The following KDM2B variants were observed in gnomAD, a reference collection of about 807,000 sequenced individuals.
KDM2B encodes lysine-specific demethylase 2B.
KDM2B carries 26 observed loss-of-function variants against 150.0 expected under a neutral mutation model. That is an observed-to-expected ratio of 0.17 (90% CI 0.13 to 0.24). The LOEUF (loss-of-function observed/expected upper bound fraction) is 0.24, where lower values mean the gene tolerates loss of function less well. Among genes scored for constraint, KDM2B ranks in the 10% least tolerant of loss-of-function variants. The pLI is 1.00. For missense variants in KDM2B, 1,265 were observed against 1,816.9 expected (o/e 0.70, Z 5.52); for synonymous variants, 734 against 729.5 (o/e 1.01, Z -0.10).
chr12:121,558,178 G>A (rs745530615), intron 4 of KDM2B, among the ~76,000 whole-genome samples: 2 of 152,202 alleles, frequency 1.3e-5, no homozygotes, highest in Admixed American at 6.5e-5. Context: ...AGAGACTGGT[G>A]CAGGCTAGGA....
chr12:121,417,437 A>C, the KDM2B span: 3 of 1,393,878 alleles, frequency 2.2e-6, no homozygotes, highest in Non-Finnish European at 2.9e-6. The surrounding 1 kb of genome is among the most constrained non-coding windows in gnomAD (Gnocchi z 5.0). Context: ...AGTAGAAGGC[A>C]GAAAGAAAAC....
At chr12:121,541,077 A>G (rs1292287607) in intron 6 of KDM2B, among the ~76,000 whole-genome samples, 1 of 152,008 alleles carries the variant, frequency 6.6e-6, no homozygotes, top group Non-Finnish European at 1.5e-5. Context: ...TACTAAAAAT[A>G]CAAAATTAGC....
intron 11 of KDM2B, among the ~76,000 whole-genome samples, chr12:121,505,300 A>T (rs868922689): frequency 4.6e-5 from 7 of 151,790 alleles, no homozygotes; most frequent in African/African-American, 1.7e-4. Context: ...AAAAAAAAAA[A>T]AAATTGTGAC....
chr12:121,530,599 C>G (rs554187899), intron 8 of KDM2B, among the ~76,000 whole-genome samples: 307 of 142,718 alleles, frequency 2.2e-3, no homozygotes, highest in Non-Finnish European at 3.1e-3. Flanking sequence ...TCCCAAAACT[C>G]CAGGGGAAAA....
intron 6 of KDM2B, among the ~76,000 whole-genome samples, chr12:121,540,585 C>T (rs576791936): frequency 4.6e-5 from 7 of 151,134 alleles, no homozygotes; most frequent in Non-Finnish European, 1.0e-4. Context: ...TCTGTCTCTA[C>T]TGAAAAAATG....
rs71454698 is a variant in KDM2B at position 121,518,040 on chromosome 12, A to G, written c.1047+2945T>C. On this transcript the variant is annotated intron_variant, in intron 9 of 22. Transcript: ENST00000377071. This position sits in a 1 kb window ranked among gnomAD's most constrained non-coding sequence, Gnocchi z 4.4. ...CCTGAGTAGCTGGGATTACAGGCACACACCACCATGCTCGGCTAATTTTTG... is the reference window on the plus strand; with the variant it reads ...CCTGAGTAGCTGGGATTACAGGCACGCACCACCATGCTCGGCTAATTTTTG... Among the ~76,000 whole-genome samples, 8 of 151,042 alleles carry G rather than the reference A, an allele frequency of 5.3e-5. No homozygotes were observed. The highest frequency in any genetic ancestry group is 3.3e-4 in the Admixed American group (5 of 15,148).
chr12:121,454,381 A>G (rs1877881352), intron 12 of KDM2B, among the ~76,000 whole-genome samples: 1 of 152,166 alleles, frequency 6.6e-6, no homozygotes, highest in South Asian at 2.1e-4. Context: ...TGGGACTCAC[A>G]GAAGAGAGAG....
chr12:121,423,564 G>A, the KDM2B span: 1 of 1,613,196 alleles, frequency 6.2e-7, no homozygotes, highest in East Asian at 2.2e-5. This position sits in a 1 kb window ranked among gnomAD's most constrained non-coding sequence, Gnocchi z 4.3. Context: ...CCGTGCACGT[G>A]TTCAAGTCCT....
At chr12:121,446,852 G>A (rs1555290458) in intron 13 of KDM2B, among the ~76,000 whole-genome samples, 1 of 152,164 alleles carries the variant, frequency 6.6e-6, no homozygotes, top group African/African-American at 2.4e-5. Flanking sequence ...TAACAAACGT[G>A]ATTTCTAAAA....
chr12:121,450,256 G>T lies in KDM2B; in HGVS notation c.1959+2864C>A, dbSNP rs144868040. ...TTGAACCCAGGAGGCAGAAGTTGCAGTGAGCCGAGACTGCGCCACTGCACT... is the reference window on the plus strand; with the variant it reads ...TTGAACCCAGGAGGCAGAAGTTGCATTGAGCCGAGACTGCGCCACTGCACT... On this transcript the variant is annotated intron_variant, in intron 13 of 22. Transcript: ENST00000377071. Among the ~76,000 whole-genome samples the T allele has an allele frequency of 1.1e-4, 17 of 151,728 alleles. No homozygotes were observed. In the East Asian group the frequency reaches 1.9e-3, roughly 17 times the overall value.
At chr12:121,412,876 G>C in the KDM2B span, among the ~76,000 whole-genome samples, 1 of 148,466 alleles carries the variant, frequency 6.7e-6, no homozygotes, top group Non-Finnish European at 1.5e-5. Flanking sequence ...AGGTGCCTGG[G>C]CCAGCTATTT....
chr12:121,574,000 A>G (rs1891311053), intron 4 of KDM2B, among the ~76,000 whole-genome samples: 1 of 152,076 alleles, frequency 6.6e-6, no homozygotes, highest in South Asian at 2.1e-4. Flanking sequence ...TTCTGGAAAG[A>G]ATAGATTGAT....
At chr12:121,420,864 T>C in the KDM2B span, 3 of 1,001,046 alleles carry the variant, frequency 3.0e-6, no homozygotes, top group Admixed American at 2.0e-5. Flanking sequence ...TTAAGTCAAA[T>C]TTATTTTTGA....
chr12:121,551,623 G>C (rs1321836040), intron 4 of KDM2B, among the ~76,000 whole-genome samples: 1 of 152,186 alleles, frequency 6.6e-6, no homozygotes, highest in Non-Finnish European at 1.5e-5. Flanking sequence ...CACAATCTCA[G>C]CTTACTGCAA....
intron 6 of KDM2B, among the ~76,000 whole-genome samples, chr12:121,540,428 C>T (rs1555309552): frequency 1.3e-5 from 2 of 151,950 alleles, no homozygotes; most frequent in African/African-American, 4.8e-5. Context: ...AAGCCCCATA[C>T]GGATGTGAAG....
chr12:121,501,971 C>CATGTAG (rs1555302039), intron 11 of KDM2B, among the ~76,000 whole-genome samples: 4 of 152,130 alleles, frequency 2.6e-5, no homozygotes, highest in Non-Finnish European at 4.4e-5. Context: ...CTGGGCTTTA[C>CATGTAG]ACCTCACTGT....
chr12:121,467,364 T>C lies in KDM2B; in HGVS notation c.1735-14020A>G. 1 of 980,178 alleles carries C rather than the reference T, an allele frequency of 1.0e-6. No individual in the cohort carries two copies. The highest frequency in any genetic ancestry group is 1.2e-6 in the Non-Finnish European group (1 of 827,930). The allele number at this position is 980,178 out of a possible 1,614,324, so 60.7% of individuals were successfully genotyped here. Reference sequence around the variant, plus strand: ...CGAGGAGGGAGCCGCGCCGCGCGCCTCGCACGCCCGCGCTGGAGGGGGCGG... The same window carrying C: ...CGAGGAGGGAGCCGCGCCGCGCGCCCCGCACGCCCGCGCTGGAGGGGGCGG... On this transcript the variant is annotated intron_variant, in intron 12 of 22. Coordinates refer to ENST00000377071, the MANE Select transcript of KDM2B (RefSeq NM_032590.5). The surrounding 1 kb of genome is among the most constrained non-coding windows in gnomAD (Gnocchi z 5.1).
intron 2 of KDM2B, 55 bp downstream of exon 2, chr12:121,578,747 C>T: frequency 1.5e-6 from 2 of 1,375,380 alleles, no homozygotes; most frequent in Admixed American, 2.7e-5. Context: ...CAGCTCCCTC[C>T]CCACGTGCGC....
upstream of KDM2B, among the ~76,000 whole-genome samples, chr12:121,581,549 C>T (rs1891964472): frequency 6.6e-6 from 1 of 152,296 alleles, no homozygotes; most frequent in South Asian, 2.1e-4. Flanking sequence ...CCTCCAGCCC[C>T]AGCTGTGGCG....
Sources: gnomAD v4.1 joint callset for allele counts (sites outside exome capture counted in the v4.1 genomes callset) on GRCh38, gnomAD v4.1.1 for gene constraint, Gnocchi (gnomAD v3.1) non-coding constraint, MANE v1.5 for transcripts, NCBI Gene and HGNC (gene_info 2026-07-23, HGNC 2026-07-21) for gene names.